CYP4F12: variants seen among roughly 807,000 people sequenced by gnomAD.
The protein encoded by CYP4F12 is cytochrome P450 family 4 subfamily F member 12, also known as cytochrome P450 4F12.
Under a neutral mutation model 56.5 loss-of-function variants are expected in CYP4F12, and 60 were observed. The ratio of observed to expected loss-of-function variants is 1.06; its 90% CI spans 0.86 to 1.32. The LOEUF is 1.32. CYP4F12 is among the 40% of genes most tolerant of loss of function. The pLI, the probability that CYP4F12 is intolerant of heterozygous loss-of-function variation, is 0.00. For synonymous variants in CYP4F12, 263 were observed against 264.9 expected, an observed-to-expected ratio of 0.99 and a Z score of 0.07; for missense variants, 711 against 683.5, an observed-to-expected ratio of 1.04 and a Z score of -0.45.
At chr19:15,683,351 T>C in intron 6 of CYP4F12, 142 bp from the exon 7 acceptor site, 1 of 864,424 alleles carries the variant, frequency 1.2e-6, no homozygotes, top group Non-Finnish European at 1.8e-6. Flanking sequence ...TCATGACTGA[T>C]ACCCACCATG....
intron 9 of CYP4F12, among the ~76,000 whole-genome samples, chr19:15,686,757 G>A (rs1232394199): frequency 1.3e-5 from 2 of 152,298 alleles, no homozygotes; most frequent in Non-Finnish European, 2.9e-5. Flanking sequence ...TGTGGAGAGA[G>A]GACCAGCTGT....
chr19:15,682,686 T>C (rs1231616299), intron 6 of CYP4F12, among the ~76,000 whole-genome samples, 176 bp downstream of exon 6: 38 of 152,064 alleles, frequency 2.5e-4, no homozygotes, highest in Non-Finnish European at 1.5e-5. Context: ...AATATGTGTG[T>C]AAAAGCAAGA....
intron 9 of CYP4F12, 138 bp downstream of exon 9, chr19:15,685,335 C>G: frequency 7.4e-7 from 1 of 1,356,350 alleles, no homozygotes; most frequent in South Asian, 1.6e-5. Context: ...ACAGGCAGGG[C>G]TTGATACCAA....
chr19:15,685,188 A>G lies in CYP4F12; in HGVS notation c.1106A>G (p.Glu369Gly), dbSNP rs763396452. ...CTTCTGAAGGACCGCGATCCTAAAG[A>G]GATTGAATGGTGAGTGCAAGTTCTT... ...QELLKDRDPKEIEWDDLAQLP... is the reference protein window; with the variant it reads ...QELLKDRDPKGIEWDDLAQLP... The change falls in exon 9 of 13, where the codon GAG becomes GGG. Residue 369 changes from glutamate (E) to glycine (G), a missense_variant. Physicochemically the swap from Glu to Gly is moderately conservative, Grantham distance 98. Transcript: ENST00000550308. The G allele has an allele frequency of 1.2e-6, 2 of 1,613,926 alleles. No homozygotes were observed. The highest frequency in any genetic ancestry group is 2.2e-5 in the East Asian group (1 of 44,876).
rs772640795 is a variant in CYP4F12 at position 15,683,609 on chromosome 19, G to A, written c.764G>A (p.Arg255His). 52 of 1,614,124 alleles carry A rather than the reference G, an allele frequency of 3.2e-5. No individual in the cohort carries two copies. The East Asian group carries it at 9.6e-4, about 30-fold the overall frequency. Reference sequence around the variant, plus strand: ...TATTACCTCTCCCATGACGGGCGGCGCTTCCACAGGGCCTGCCGCCTGGTG... The same window carrying A: ...TATTACCTCTCCCATGACGGGCGGCACTTCCACAGGGCCTGCCGCCTGGTG... ...FLYYLSHDGRRFHRACRLVHD... is the reference protein window; with the variant it reads ...FLYYLSHDGRHFHRACRLVHD... Residue 255 changes from arginine to histidine, a missense_variant, in exon 7 of 13, where the codon CGC becomes CAC. Arg to His is a conservative substitution (Grantham distance 29). Coordinates refer to ENST00000550308, the MANE Select transcript of CYP4F12 (RefSeq NM_023944.4).
chr19:15,690,379 TTTATTA>T (rs1268041347), intron 9 of CYP4F12, among the ~76,000 whole-genome samples: 2 of 152,180 alleles, frequency 1.3e-5, no homozygotes, highest in South Asian at 2.1e-4. Flanking sequence ...TTTTGAGAAA[TTTATTA>T]TTATTAACTG....
chr19:15,689,002 T>G (rs1241045886), intron 9 of CYP4F12, among the ~76,000 whole-genome samples: 1 of 152,088 alleles, frequency 6.6e-6, no homozygotes, highest in Non-Finnish European at 1.5e-5. Context: ...TAAGATAACC[T>G]TGGAAAAACT....
intron 6 of CYP4F12, among the ~76,000 whole-genome samples, chr19:15,682,851 T>C (rs946925308): frequency 1.3e-5 from 2 of 152,168 alleles, no homozygotes; most frequent in Non-Finnish European, 2.9e-5. Context: ...ATGATGGATG[T>C]GATAAGAGCT....
At chr19:15,682,227 A>T in intron 5 of CYP4F12, 162 bp from the exon 6 acceptor site, 1 of 901,920 alleles carries the variant, frequency 1.1e-6, no homozygotes, top group South Asian at 1.7e-5. Context: ...TCCTATACTA[A>T]CAGTTTCTGC....
At chr19:15,694,879 T>C (rs574326927) in intron 9 of CYP4F12, among the ~76,000 whole-genome samples, 8 of 152,236 alleles carry the variant, frequency 5.3e-5, no homozygotes, top group African/African-American at 1.7e-4. Flanking sequence ...TGTGGAGAAA[T>C]AGGAACACTT....
At chr19:15,677,564 G>A (rs111220045) in intron 2 of CYP4F12, among the ~76,000 whole-genome samples, 337 of 2,458 alleles carry the variant, frequency 0.14, 63 homozygotes, top group East Asian at 0.88. Context: ...TCACTCACTC[G>A]TTCCTCTCCT....
intron 9 of CYP4F12, among the ~76,000 whole-genome samples, chr19:15,685,591 A>C (rs1376256341): frequency 6.6e-6 from 1 of 152,156 alleles, no homozygotes; most frequent in Non-Finnish European, 1.5e-5. Context: ...ATTGCTTAGT[A>C]GTACTAGGAG....
chr19:15,696,918 G>T lies in CYP4F12; in HGVS notation c.1408G>T (p.Gly470Trp), dbSNP rs10421387. The change falls in exon 13 of 13, where the codon GGG becomes TGG. Residue 470 changes from glycine to tryptophan, a missense_variant. Gly to Trp is a radical substitution (Grantham distance 184). Transcript: ENST00000550308. ...CACTCCCGCCTGCAGGAACTGCATC[G>T]GGCAGGCGTTCGCCATGGCGGAGAT... ...PFSAGPRNCI[G>W]QAFAMAEMKV... The T allele has an allele frequency of 8.2e-4, 1,319 of 1,612,916 alleles. 13 individuals carry two copies. The African/African-American group carries it at 0.016, about 19-fold the overall frequency.
chr19:15,690,610 C>T (rs1568424240), intron 9 of CYP4F12, among the ~76,000 whole-genome samples: 1 of 152,176 alleles, frequency 6.6e-6, no homozygotes, highest in African/African-American at 2.4e-5. Flanking sequence ...TTTCACTTAG[C>T]ATAATGTCCT....
At chr19:15,696,776 G>A in intron 12 of CYP4F12, 132 bp from the exon 13 acceptor site, 2 of 1,279,254 alleles carry the variant, frequency 1.6e-6, no homozygotes, top group Non-Finnish European at 1.1e-6. Flanking sequence ...GGGAGTCCCA[G>A]GCACGCTTAG....
At chr19:15,678,158 C>A in intron 2 of CYP4F12, 103 bp from the exon 3 acceptor site, 1 of 1,438,650 alleles carries the variant, frequency 7.0e-7, no homozygotes, top group Admixed American at 1.8e-5. Context: ...CAGACACACA[C>A]AGCAATAATG....
chr19:15,673,303 A>AGGTCC (rs764083953), intron 1 of CYP4F12, 168 bp downstream of exon 1: 2 of 585,392 alleles, frequency 3.4e-6, no homozygotes, highest in South Asian at 1.8e-5. Context: ...CTGGACTCTA[A>AGGTCC]TCGGCCCATC....
intron 2 of CYP4F12, among the ~76,000 whole-genome samples, chr19:15,674,769 T>A (rs1021896616): frequency 7.8e-6 from 1 of 128,314 alleles, no homozygotes; most frequent in Non-Finnish European, 1.7e-5. Flanking sequence ...GCCAAACCTT[T>A]CTCACCTCCC....
At chr19:15,677,916 GCACTCATTCCTCTCCTTACT>G (rs1256690760) in intron 2 of CYP4F12, among the ~76,000 whole-genome samples, 151 of 9,038 alleles carry the variant, frequency 0.017, 44 homozygotes, top group African/African-American at 0.051. Context: ...CTCTACCCAT[GCACTCATTCCTCTCCTTACT>G]CACTCATTCC....
Sources: allele counts gnomAD v4.1 joint callset (sites outside exome capture counted in the v4.1 genomes callset), GRCh38; gene constraint gnomAD v4.1.1; transcripts MANE v1.5; gene names NCBI Gene and HGNC (gene_info 2026-07-23, HGNC 2026-07-21).